Variants in PRKAR2A observed in about 807,000 individuals in gnomAD.
PRKAR2A encodes the protein cAMP-dependent protein kinase type II-alpha regulatory subunit.
Under a neutral mutation model 51.9 loss-of-function variants are expected in PRKAR2A, and 29 were observed. That is an observed-to-expected ratio of 0.56 (90% CI 0.42 to 0.76). The LOEUF (loss-of-function observed/expected upper bound fraction) is 0.76. PRKAR2A is among the 30% of genes least tolerant of loss of function. PRKAR2A has a pLI of 0.00. For synonymous variants in PRKAR2A, 178 were observed against 186.2 expected (o/e 0.96, Z 0.36); for missense variants, 445 against 512.1 (o/e 0.87, Z 1.26).
chr3:48,766,024 C>A, intron 6 of PRKAR2A, among the ~76,000 whole-genome samples: 1 of 151,862 alleles, frequency 6.6e-6, no homozygotes, highest in East Asian at 1.9e-4. Context: ...AGTATGAGAC[C>A]AGCCTAGGCA....
At chr3:48,840,261 G>A (rs528242933) in intron 1 of PRKAR2A, among the ~76,000 whole-genome samples, 24 of 152,154 alleles carry the variant, frequency 1.6e-4, no homozygotes, top group East Asian at 1.6e-3. Flanking sequence ...AAGTCGAGGC[G>A]GGACGGGTGG....
chr3:48,811,289 A>C (rs1363863696), intron 1 of PRKAR2A, among the ~76,000 whole-genome samples: 1 of 152,176 alleles, frequency 6.6e-6, no homozygotes, highest in East Asian at 1.9e-4. Flanking sequence ...CAATATAATA[A>C]GACCTCGTCT....
intron 1 of PRKAR2A, among the ~76,000 whole-genome samples, chr3:48,808,402 C>T (rs569511164): frequency 1.3e-5 from 2 of 152,300 alleles, no homozygotes; most frequent in East Asian, 1.9e-4. Flanking sequence ...TACAGGCACC[C>T]GCCACCACAC....
At chr3:48,805,182 G>A (rs1041234484) in intron 2 of PRKAR2A, among the ~76,000 whole-genome samples, 5 of 152,068 alleles carry the variant, frequency 3.3e-5, no homozygotes, top group African/African-American at 1.2e-4. Context: ...CAAAGTGCTG[G>A]GATTACAGGT....
chr3:48,793,771 T>C (rs554318730), intron 3 of PRKAR2A, among the ~76,000 whole-genome samples: 105 of 152,256 alleles, frequency 6.9e-4, no homozygotes, highest in African/African-American at 2.5e-3. Context: ...GGATTACAGG[T>C]GTGAGCCACC....
chr3:48,759,485 CA>C (rs1452531111), intron 8 of PRKAR2A, among the ~76,000 whole-genome samples: 2 of 151,258 alleles, frequency 1.3e-5, no homozygotes, highest in African/African-American at 4.9e-5. Context: ...CTCCTGGGTT[CA>C]AGTGATTCTC....
chr3:48,832,954 C>G (rs2083216319), intron 1 of PRKAR2A, among the ~76,000 whole-genome samples: 2 of 152,276 alleles, frequency 1.3e-5, no homozygotes, highest in Admixed American at 1.3e-4. Context: ...TACATCCAAT[C>G]TGACCTTGCC....
chr3:48,785,648 C>T (rs1265308311), intron 4 of PRKAR2A, among the ~76,000 whole-genome samples: 3 of 152,062 alleles, frequency 2.0e-5, no homozygotes, highest in Non-Finnish European at 4.4e-5. Flanking sequence ...CCACCTGCCT[C>T]GGCTTCCCAA....
chr3:48,847,224 A>G lies in PRKAR2A; in HGVS notation c.262+111T>C. ...CTAGAAACGCGGCTACAGAGCTCCC[A>G]ATCCCAGCCTGCGGTCGGCTTGGCT... On this transcript the variant is annotated intron_variant, in intron 1 of 10. Coordinates refer to ENST00000265563, the MANE Select transcript of PRKAR2A (RefSeq NM_004157.4). The surrounding 1 kb of genome is among the most constrained non-coding windows in gnomAD (Gnocchi z 4.4). The G allele has an allele frequency of 1.5e-6, 2 of 1,370,184 alleles. No individual in the cohort carries two copies. Among genetic ancestry groups the G allele is most frequent in the African/African-American group, 1.5e-5 (1 of 67,416 alleles). The allele number at this position is 1,370,184 out of a possible 1,614,324, so 84.9% of individuals were successfully genotyped here.
rs1157759774 is a variant in PRKAR2A at position 48,844,396 on chromosome 3, A to C, written c.262+2939T>G. Among the ~76,000 whole-genome samples the C allele has an allele frequency of 5.3e-5, 8 of 150,162 alleles. No individual in the cohort carries two copies. The East Asian group carries it at 1.4e-3, about 26-fold the overall frequency. On this transcript the variant is annotated intron_variant, in intron 1 of 10. Transcript: ENST00000265563. The stretch of plus-strand genomic sequence containing the variant: ...ACTTTTACACTGTTGGTGGGACTGT[A>C]AACTAGTTCAACCATTGTGGAAGTC...
chr3:48,810,213 G>A (rs2082748168), intron 1 of PRKAR2A, among the ~76,000 whole-genome samples: 1 of 106,924 alleles, frequency 9.4e-6, no homozygotes, highest in Non-Finnish European at 1.9e-5. Flanking sequence ...CTCACATGTG[G>A]AGAGAAATAA....
At chr3:48,772,823 T>C in intron 6 of PRKAR2A, 132 bp downstream of exon 6, 2 of 951,098 alleles carry the variant, frequency 2.1e-6, no homozygotes, top group Non-Finnish European at 2.9e-6. Flanking sequence ...TTGTATTTTT[T>C]AGTAGAGATG....
chr3:48,778,806 C>T (rs1431701803), intron 5 of PRKAR2A, among the ~76,000 whole-genome samples: 1 of 147,646 alleles, frequency 6.8e-6, no homozygotes, highest in South Asian at 2.1e-4. Context: ...GCGTGAGCCA[C>T]GGTGCTCGGC....
intron 1 of PRKAR2A, among the ~76,000 whole-genome samples, chr3:48,840,013 T>A (rs1397560327): frequency 6.6e-6 from 1 of 152,156 alleles, no homozygotes; most frequent in Non-Finnish European, 1.5e-5. Flanking sequence ...TATTAAACAA[T>A]AACACCCTAT....
At chr3:48,830,320 C>T (rs1315021856) in intron 1 of PRKAR2A, among the ~76,000 whole-genome samples, 1 of 152,106 alleles carries the variant, frequency 6.6e-6, no homozygotes, top group Non-Finnish European at 1.5e-5. Flanking sequence ...TCCACCTCTA[C>T]ATCTTGTACC....
chr3:48,759,822 TTA>T (rs2081837123), intron 8 of PRKAR2A, among the ~76,000 whole-genome samples: 1 of 152,230 alleles, frequency 6.6e-6, no homozygotes, highest in African/African-American at 2.4e-5. Context: ...CATCAGGTTC[TTA>T]TATGTCTCTT....
chr3:48,810,753 CATT>C (rs1328190288), intron 1 of PRKAR2A, among the ~76,000 whole-genome samples: 3 of 151,898 alleles, frequency 2.0e-5, no homozygotes, highest in South Asian at 2.1e-4. Context: ...ACGCCATAAT[CATT>C]ATATTATCAT....
intron 8 of PRKAR2A, among the ~76,000 whole-genome samples, chr3:48,764,364 T>A (rs1264095476): frequency 6.6e-6 from 1 of 152,170 alleles, no homozygotes; most frequent in Non-Finnish European, 1.5e-5. Context: ...GATGCCTTTG[T>A]GTCAAATATA....
chr3:48,812,517 C>G (rs2082791605), intron 1 of PRKAR2A, among the ~76,000 whole-genome samples: 2 of 148,084 alleles, frequency 1.4e-5, no homozygotes, highest in African/African-American at 2.5e-5. Context: ...GACTCTCACT[C>G]TGTCGCCCAG....
Sources: allele counts gnomAD v4.1 joint callset (sites outside exome capture counted in the v4.1 genomes callset), GRCh38; gene constraint gnomAD v4.1.1; non-coding constraint Gnocchi (gnomAD v3.1); transcripts MANE v1.5; gene names NCBI Gene and HGNC (gene_info 2026-07-23, HGNC 2026-07-21).